TRIP4: variants seen among roughly 807,000 people sequenced by gnomAD.
TRIP4 encodes activating signal cointegrator 1.
TRIP4 carries 54 observed loss-of-function variants against 81.8 expected under a neutral mutation model. That is an observed-to-expected ratio of 0.66 (90% CI 0.53 to 0.83). The LOEUF (loss-of-function observed/expected upper bound fraction) is 0.83. Among genes scored for constraint, TRIP4 ranks in the 40% least tolerant of loss-of-function variants. The pLI is 0.00. For missense variants in TRIP4, 662 were observed against 683.6 expected (o/e 0.97, Z 0.35); for synonymous variants, 270 against 242.8 (o/e 1.11, Z -1.04).
chr15:64,420,163 C>G (rs1891979564), intron 9 of TRIP4, among the ~76,000 whole-genome samples: 1 of 150,008 alleles, frequency 6.7e-6, no homozygotes, highest in African/African-American at 2.5e-5. Flanking sequence ...CTCTTGTTTC[C>G]CAGGCTGGAG....
intron 11 of TRIP4, among the ~76,000 whole-genome samples, chr15:64,435,053 A>G (rs541536342): frequency 7.3e-4 from 110 of 151,296 alleles, no homozygotes; most frequent in African/African-American, 2.5e-3. Flanking sequence ...CCGTCTCTAC[A>G]AAAAATACAA....
intron 12 of TRIP4, among the ~76,000 whole-genome samples, chr15:64,449,610 C>G (rs1427605024): frequency 6.6e-6 from 1 of 150,996 alleles, no homozygotes; most frequent in Non-Finnish European, 1.5e-5. Flanking sequence ...TGTATAAATG[C>G]CTTAAATTAA....
Position 64,409,720 on chromosome 15 carries a change from A to T in TRIP4, c.935A>T (p.Glu312Val), listed in dbSNP as rs1010802359. ...ERETLQKREE[E>V]LRELRHASRL... ...GAAACCTTGCAGAAGCGAGAGGAGG[A>T]GCTGAGAGAACTTCGACACGCCTCT... Residue 312 changes from glutamate (E) to valine (V), a missense_variant, in exon 7 of 13, where the codon GAG becomes GTG. Glu to Val is a moderately radical substitution (Grantham distance 121, BLOSUM62 -2). Coordinates refer to ENST00000261884, the MANE Select transcript of TRIP4 (RefSeq NM_016213.5). 6.2e-7 allele frequency: 1 copy of T among 1,614,154 alleles called. No homozygotes were observed. Among genetic ancestry groups the T allele is most frequent in the Admixed American group, 1.7e-5 (1 of 60,010 alleles).
At chr15:64,437,156 C>A (rs1329122275) in intron 11 of TRIP4, among the ~76,000 whole-genome samples, 1 of 151,772 alleles carries the variant, frequency 6.6e-6, no homozygotes, top group Non-Finnish European at 1.5e-5. Flanking sequence ...TGTGGTGGCT[C>A]ACACCTGTAA....
chr15:64,432,339 C>T (rs963832055), intron 11 of TRIP4, among the ~76,000 whole-genome samples: 1 of 152,110 alleles, frequency 6.6e-6, no homozygotes, highest in South Asian at 2.1e-4. Context: ...TTGAGCCAGG[C>T]GCAGTGGTTT....
chr15:64,448,991 C>T (rs1365192835), intron 12 of TRIP4, among the ~76,000 whole-genome samples: 1 of 152,104 alleles, frequency 6.6e-6, no homozygotes, highest in Non-Finnish European at 1.5e-5. Flanking sequence ...AGGAGGATCA[C>T]TTGAAGCCAG....
chr15:64,452,082 T>G (rs553706723), intron 12 of TRIP4, among the ~76,000 whole-genome samples: 2 of 152,246 alleles, frequency 1.3e-5, no homozygotes, highest in South Asian at 4.1e-4. Flanking sequence ...TGTCTCAGCC[T>G]CCTGAGTAGC....
intron 2 of TRIP4, 50 bp downstream of exon 2, chr15:64,394,165 C>T: frequency 7.0e-7 from 1 of 1,434,818 alleles, no homozygotes; most frequent in Non-Finnish European, 9.3e-7. Flanking sequence ...AGTGGGCAGG[C>T]TTAAAGAATT....
intron 6 of TRIP4, among the ~76,000 whole-genome samples, chr15:64,408,416 G>A (rs1891682199): frequency 1.3e-5 from 2 of 151,452 alleles, no homozygotes; most frequent in South Asian, 4.2e-4. Context: ...CCGCCACTAC[G>A]CCCAGCTAAT....
In TRIP4 at chr15:64,388,035, G is replaced by A. The variant is rs529201940; in HGVS notation, c.101+71G>A. 19 of 1,470,676 alleles carry A rather than the reference G, an allele frequency of 1.3e-5. No homozygotes were observed. The South Asian group carries it at 1.9e-4, about 15-fold the overall frequency. The allele number at this position is 1,470,676 out of a possible 1,614,324, so 91.1% of individuals were successfully genotyped here. On this transcript the variant is annotated intron_variant, in intron 1 of 12. Transcript: ENST00000261884. ...CACTGCCTGAGCGAACCGGGAAGCG[G>A]GGAGGACTGAAAAGTTAAGAGAGAA...
At chr15:64,399,139 CAG>C (rs1900384312) in intron 4 of TRIP4, among the ~76,000 whole-genome samples, 1 of 151,654 alleles carries the variant, frequency 6.6e-6, no homozygotes, top group Admixed American at 6.6e-5. Flanking sequence ...TTAGTAGAGA[CAG>C]GGTTTCACCA....
intron 5 of TRIP4, 94 bp from the exon 6 acceptor site, chr15:64,406,236 C>G: frequency 1.2e-5 from 18 of 1,499,902 alleles, no homozygotes; most frequent in Non-Finnish European, 1.5e-5. Flanking sequence ...CAGGCCAGAA[C>G]CAGATCTTCT....
intron 12 of TRIP4, among the ~76,000 whole-genome samples, chr15:64,453,463 G>A (rs946763629): frequency 2.6e-5 from 4 of 152,202 alleles, no homozygotes; most frequent in African/African-American, 9.7e-5. Context: ...AGTCACTATG[G>A]TAGTGTTAGG....
intron 4 of TRIP4, among the ~76,000 whole-genome samples, chr15:64,400,473 C>CTT (rs34275640): frequency 8.0e-6 from 1 of 125,712 alleles, no homozygotes; most frequent in African/African-American, 2.8e-5. Context: ...TGTGCCCAGC[C>CTT]TTTTTTTTTT....
At chr15:64,430,316 A>G (rs984391661) in intron 11 of TRIP4, among the ~76,000 whole-genome samples, 1 of 152,238 alleles carries the variant, frequency 6.6e-6, no homozygotes, top group Admixed American at 6.5e-5. Flanking sequence ...AACTCAGGGT[A>G]AAAAGGTAGA....
At chr15:64,392,156 G>T (rs1338839705) in intron 1 of TRIP4, among the ~76,000 whole-genome samples, 3 of 150,700 alleles carry the variant, frequency 2.0e-5, no homozygotes, top group African/African-American at 7.3e-5. Flanking sequence ...AAATTAGCCG[G>T]GTGTGGTTGT....
At chr15:64,434,918 A>T (rs1892355981) in intron 11 of TRIP4, among the ~76,000 whole-genome samples, 1 of 152,024 alleles carries the variant, frequency 6.6e-6, no homozygotes, top group Admixed American at 6.6e-5. Flanking sequence ...CTTATCTTCT[A>T]ATTTAAGATA....
rs1309426664 is a variant in TRIP4 at position 64,397,779 on chromosome 15, A to T, written c.579A>T (p.Glu193Asp). The T allele has an allele frequency of 1.2e-6, 2 of 1,614,128 alleles. No individual in the cohort carries two copies. Among genetic ancestry groups the T allele is most frequent in the Non-Finnish European group, 1.7e-6 (2 of 1,180,042 alleles). ...NCLICGRIVC[E>D]QEGSGPCLFC... Reference sequence around the variant, plus strand: ...TGATCTGTGGGCGCATTGTCTGTGAACAAGAAGGCTCAGGCCCTTGCTTAT... The same window carrying T: ...TGATCTGTGGGCGCATTGTCTGTGATCAAGAAGGCTCAGGCCCTTGCTTAT... The change falls in exon 4 of 13, where the codon GAA (glutamate) becomes GAT (aspartate). Residue 193 changes from glutamate to aspartate, a missense_variant. Glu to Asp is a conservative substitution (Grantham distance 45). Transcript: ENST00000261884.
chr15:64,433,527 C>T (rs908205729), intron 11 of TRIP4, among the ~76,000 whole-genome samples: 1 of 152,046 alleles, frequency 6.6e-6, no homozygotes, highest in African/African-American at 2.4e-5. Context: ...TCACATGAAC[C>T]CAGGAGGCAG....
Sources: gnomAD v4.1 joint callset for allele counts (sites outside exome capture counted in the v4.1 genomes callset) on GRCh38, gnomAD v4.1.1 for gene constraint, MANE v1.5 for transcripts, NCBI Gene and HGNC (gene_info 2026-07-23, HGNC 2026-07-21) for gene names.